RBFOX1: variants seen among roughly 807,000 people sequenced by gnomAD.
RBFOX1 encodes the protein RNA binding protein fox-1 homolog 1.
In RBFOX1, 8 loss-of-function variants were observed where a neutral mutation model predicts 57.7. The observed-to-expected ratio is 0.14, with a 90% confidence interval of 0.08 to 0.25. RBFOX1 has a LOEUF of 0.25. Among genes scored for constraint, RBFOX1 ranks in the 10% least tolerant of loss-of-function variants. RBFOX1 has a pLI of 1.00. For synonymous variants in RBFOX1, 326 were observed against 222.4 expected (o/e 1.47, Z -4.15); for missense variants, 611 against 548.5 (o/e 1.11, Z -1.14).
intron 4 of RBFOX1, among the ~76,000 whole-genome samples, chr16:7,190,003 T>C (rs1027928221): frequency 3.3e-5 from 5 of 152,202 alleles, no homozygotes; most frequent in African/African-American, 1.2e-4. Flanking sequence ...CCAAGACTTA[T>C]TAGAAGACCA....
At chr16:6,015,127 G>C (rs920966927), upstream of RBFOX1, among the ~76,000 whole-genome samples, 2 of 152,130 alleles carry the variant, frequency 1.3e-5, no homozygotes, top group African/African-American at 4.8e-5. Context: ...AGACTGATGG[G>C]ATTACAGGTA....
intron 4 of RBFOX1, among the ~76,000 whole-genome samples, chr16:7,196,279 G>A (rs944770689): frequency 3.3e-5 from 5 of 151,980 alleles, no homozygotes; most frequent in Admixed American, 6.6e-5. Flanking sequence ...TCTTGTTATC[G>A]ACTGTGTTAT....
intron 1 of RBFOX1, among the ~76,000 whole-genome samples, chr16:6,267,566 C>G (rs567915075): frequency 1.4e-4 from 21 of 152,294 alleles, no homozygotes; most frequent in African/African-American, 4.8e-4. Flanking sequence ...AGAGTCTTAT[C>G]TGACAGATTT....
Position 6,708,864 on chromosome 16 carries a change from C to G in RBFOX1, c.-16+54214C>G, listed in dbSNP as rs549043259. On this transcript the variant is annotated intron_variant, in intron 3 of 15. Transcript: ENST00000550418. ...TAAGAAATTGTAATTATTTCAGGCA[C>G]CAGAAGTTTGCTTGGTTTTCCTCTT... Among the ~76,000 whole-genome samples the G allele has an allele frequency of 5.9e-5, 9 of 152,276 alleles. No homozygotes were observed. In the South Asian group the frequency reaches 1.0e-3, roughly 18 times the overall value.
chr16:7,411,355 C>T (rs1597757390), intron 4 of RBFOX1, among the ~76,000 whole-genome samples: 2 of 152,016 alleles, frequency 1.3e-5, no homozygotes, highest in East Asian at 1.9e-4. Context: ...ACATTAGTTT[C>T]CCCGACAGTG....
intron 4 of RBFOX1, among the ~76,000 whole-genome samples, chr16:7,170,056 A>G (rs2080376852): frequency 6.6e-6 from 1 of 152,204 alleles, no homozygotes; most frequent in Admixed American, 6.5e-5. Flanking sequence ...CCTAGGTGAT[A>G]GAGGAAGACC....
intron 1 of RBFOX1, among the ~76,000 whole-genome samples, chr16:5,287,689 C>G (rs1344509522): frequency 6.6e-6 from 1 of 152,168 alleles, no homozygotes; most frequent in Non-Finnish European, 1.5e-5. Flanking sequence ...CTGGCCTGGG[C>G]TTGCTCTCAT....
At chr16:5,659,434 G>C (rs1054455689) in intron 3 of RBFOX1, among the ~76,000 whole-genome samples, 1 of 151,620 alleles carries the variant, frequency 6.6e-6, no homozygotes, top group African/African-American at 2.4e-5. Context: ...CTCCTGAGTA[G>C]CTGGGACTAC....
intron 3 of RBFOX1, among the ~76,000 whole-genome samples, chr16:5,706,827 A>AG (rs2051265926): frequency 6.6e-6 from 1 of 151,656 alleles, no homozygotes. Flanking sequence ...TCACTGGGGC[A>AG]GGGGGCAAGA....
At chr16:6,532,197 T>C (rs898231231) in intron 2 of RBFOX1, among the ~76,000 whole-genome samples, 1 of 152,164 alleles carries the variant, frequency 6.6e-6, no homozygotes, top group Non-Finnish European at 1.5e-5. Flanking sequence ...AAACTCTTTA[T>C]CTTCCAGAGT....
intron 3 of RBFOX1, among the ~76,000 whole-genome samples, chr16:6,682,814 A>G (rs929343720): frequency 6.6e-6 from 1 of 151,982 alleles, no homozygotes; most frequent in Non-Finnish European, 1.5e-5. Context: ...TAGCTTAATC[A>G]GAATTGAAAA....
chr16:5,977,402 C>T (rs910005744), intron 4 of RBFOX1, among the ~76,000 whole-genome samples: 3 of 152,156 alleles, frequency 2.0e-5, no homozygotes, highest in Admixed American at 2.0e-4. Flanking sequence ...GCTATGTGTC[C>T]CTACGATCCC....
At chr16:5,880,282 A>G (rs2057729787) in intron 4 of RBFOX1, among the ~76,000 whole-genome samples, 1 of 152,000 alleles carries the variant, frequency 6.6e-6, no homozygotes, top group East Asian at 1.9e-4. Flanking sequence ...CCAAAATCTG[A>G]CTCCAGTACC....
intron 4 of RBFOX1, among the ~76,000 whole-genome samples, chr16:7,160,870 G>C (rs984466283): frequency 1.4e-5 from 2 of 138,586 alleles, no homozygotes; most frequent in African/African-American, 2.7e-5. Flanking sequence ...CTTTTTCTTC[G>C]TTCAATCTTG....
At position 6,114,652 on chromosome 16, in the gene RBFOX1, C is replaced by A. The variant is rs151097050; in HGVS notation, c.-127+94660C>A. 7.0e-3 allele frequency among the ~76,000 whole-genome samples: 1,070 copies of A among 152,268 alleles called. 9 individuals carry two copies. Among genetic ancestry groups the A allele is most frequent in the African/African-American group, 0.025 (1,021 of 41,548 alleles). ...TTTTTATGAGACAAACAATGATATG[C>A]TTGCCTTGTCTGTTGGCACCAAACC... On this transcript the variant is annotated intron_variant, in intron 1 of 15. Coordinates refer to ENST00000550418, the MANE Select transcript of RBFOX1 (RefSeq NM_018723.4).
intron 2 of RBFOX1, among the ~76,000 whole-genome samples, chr16:6,350,416 G>A (rs1326511440): frequency 2.4e-5 from 3 of 123,342 alleles, no homozygotes; most frequent in Non-Finnish European, 4.8e-5. Context: ...GCTCCAGCCT[G>A]GGCAACAAGA....
intron 3 of RBFOX1, among the ~76,000 whole-genome samples, chr16:5,656,982 T>C (rs568655595): frequency 6.6e-6 from 1 of 152,190 alleles, no homozygotes; most frequent in African/African-American, 2.4e-5. Flanking sequence ...ATTTAATGCG[T>C]GCGGGGCTTA....
At chr16:6,396,582 G>A (rs1427423854) in intron 2 of RBFOX1, among the ~76,000 whole-genome samples, 1 of 152,224 alleles carries the variant, frequency 6.6e-6, no homozygotes, top group African/African-American at 2.4e-5. Flanking sequence ...GGATACTCGA[G>A]TTGCTAAACA....
At chr16:6,994,849 A>T (rs2092015740) in intron 3 of RBFOX1, among the ~76,000 whole-genome samples, 1 of 152,182 alleles carries the variant, frequency 6.6e-6, no homozygotes, top group African/African-American at 2.4e-5. Flanking sequence ...TTGATGGTAG[A>T]CACAAGGTGA....
Sources: allele counts gnomAD v4.1 joint callset (sites outside exome capture counted in the v4.1 genomes callset), GRCh38; gene constraint gnomAD v4.1.1; transcripts MANE v1.5; gene names NCBI Gene and HGNC (gene_info 2026-07-23, HGNC 2026-07-21).